GPBP1: variants seen among roughly 807,000 people sequenced by gnomAD.
GPBP1 encodes GC-rich promoter binding protein 1.
In GPBP1, 13 loss-of-function variants were observed where a neutral mutation model predicts 56.5. That is an observed-to-expected ratio of 0.23 (90% CI 0.15 to 0.37). GPBP1 has a LOEUF of 0.37. Ranked by LOEUF, GPBP1 falls within the 10% of genes least tolerant of loss-of-function variation. The pLI, the probability that GPBP1 is intolerant of heterozygous loss-of-function variation, is 1.00. For synonymous variants in GPBP1, 204 were observed against 188.9 expected, an observed-to-expected ratio of 1.08 and a Z score of -0.66; for missense variants, 477 against 572.3, an observed-to-expected ratio of 0.83 and a Z score of 1.70.
chr5:57,219,433 A>AACAG (rs753075871), intron 3 of GPBP1, among the ~76,000 whole-genome samples: 1 of 109,506 alleles, frequency 9.1e-6, no homozygotes, highest in Non-Finnish European at 1.8e-5. Flanking sequence ...AAAAAAAACA[A>AACAG]CAAAACCACA....
At chr5:57,257,710 C>G (rs1233034601) in intron 10 of GPBP1, among the ~76,000 whole-genome samples, 1 of 152,116 alleles carries the variant, frequency 6.6e-6, no homozygotes, top group Non-Finnish European at 1.5e-5. Flanking sequence ...ATGCCCTGGC[C>G]TCTTGAATTG....
At chr5:57,228,185 G>A (rs1466009003) in intron 3 of GPBP1, among the ~76,000 whole-genome samples, 2 of 152,168 alleles carry the variant, frequency 1.3e-5, no homozygotes, top group Non-Finnish European at 2.9e-5. Flanking sequence ...AGCTGGGCGT[G>A]GTGGCTTACA....
intron 3 of GPBP1, among the ~76,000 whole-genome samples, chr5:57,217,557 G>A (rs141680584): frequency 5.3e-4 from 81 of 151,822 alleles, no homozygotes; most frequent in Non-Finnish European, 9.3e-4. Context: ...GGCAAGAAGA[G>A]TGAAATACTG....
At chr5:57,203,653 A>G (rs1419999506) in intron 2 of GPBP1, among the ~76,000 whole-genome samples, 1 of 152,184 alleles carries the variant, frequency 6.6e-6, no homozygotes, top group Non-Finnish European at 1.5e-5. Flanking sequence ...TCAAAGAAAA[A>G]AGAAAAAGAG....
intron 5 of GPBP1, among the ~76,000 whole-genome samples, chr5:57,232,563 C>G (rs1175845305): frequency 6.6e-6 from 1 of 152,208 alleles, no homozygotes; most frequent in Non-Finnish European, 1.5e-5. Context: ...CTTCCTCCTT[C>G]CTTTGTTCTC....
chr5:57,190,493 A>C (rs1215806380), intron 2 of GPBP1, among the ~76,000 whole-genome samples: 2 of 151,718 alleles, frequency 1.3e-5, no homozygotes, highest in Non-Finnish European at 2.9e-5. Flanking sequence ...CTGAGGCGGG[A>C]GAACCACTTG....
At chr5:57,188,465 A>G (rs1246268926) in intron 2 of GPBP1, among the ~76,000 whole-genome samples, 1 of 151,836 alleles carries the variant, frequency 6.6e-6, no homozygotes, top group East Asian at 1.9e-4. Flanking sequence ...CTCAGGCTGG[A>G]CATGGAGGCT....
chr5:57,253,940 TTTTC>T (rs940572218), intron 10 of GPBP1, among the ~76,000 whole-genome samples: 3 of 152,090 alleles, frequency 2.0e-5, no homozygotes, highest in Non-Finnish European at 2.9e-5. Context: ...TCTTTCGTTC[TTTTC>T]TTTCTTTTTT....
At chr5:57,255,993 A>G (rs1368108434) in intron 10 of GPBP1, among the ~76,000 whole-genome samples, 2 of 152,200 alleles carry the variant, frequency 1.3e-5, no homozygotes, top group Non-Finnish European at 2.9e-5. Context: ...ACAATGACTC[A>G]CGCCTATAAT....
chr5:57,199,757 C>A (rs79873418), intron 2 of GPBP1, among the ~76,000 whole-genome samples: 3 of 152,040 alleles, frequency 2.0e-5, no homozygotes, highest in East Asian at 3.9e-4. Flanking sequence ...CTTCTAAATA[C>A]TTCCCTTGCC....
chr5:57,255,476 C>A (rs938867350), intron 10 of GPBP1, among the ~76,000 whole-genome samples: 1 of 152,126 alleles, frequency 6.6e-6, no homozygotes, highest in African/African-American at 2.4e-5. Context: ...TCTAGTCACA[C>A]AATTGGTAGA....
At chr5:57,230,247 T>TA (rs1226705693) in intron 3 of GPBP1, among the ~76,000 whole-genome samples, 3 of 152,180 alleles carry the variant, frequency 2.0e-5, no homozygotes, top group Admixed American at 6.5e-5. Flanking sequence ...TTAAATTCTT[T>TA]AAAAAAACTG....
chr5:57,256,659 G>T (rs909616309), intron 10 of GPBP1, among the ~76,000 whole-genome samples: 25 of 152,264 alleles, frequency 1.6e-4, no homozygotes, highest in African/African-American at 6.0e-4. Context: ...TTCAGATTTG[G>T]TAGCCGCTAG....
At chr5:57,252,491 A>G (rs1186103696) in intron 10 of GPBP1, among the ~76,000 whole-genome samples, 1 of 151,986 alleles carries the variant, frequency 6.6e-6, no homozygotes, top group East Asian at 1.9e-4. Flanking sequence ...CCCAGGGTCA[A>G]GTGATCCCCC....
intron 2 of GPBP1, among the ~76,000 whole-genome samples, chr5:57,207,888 T>C (rs1158679043): frequency 6.6e-6 from 1 of 152,146 alleles, no homozygotes; most frequent in East Asian, 1.9e-4. Context: ...ACTGGCATGC[T>C]TCCCTGGACA....
chr5:57,259,546 C>G (rs1741802766), intron 10 of GPBP1, among the ~76,000 whole-genome samples: 1 of 152,168 alleles, frequency 6.6e-6, no homozygotes, highest in South Asian at 2.1e-4. Flanking sequence ...CCCTGAAGAA[C>G]TGAGGGCCCT....
chr5:57,205,202 A>G (rs899692162), intron 2 of GPBP1, among the ~76,000 whole-genome samples: 4 of 152,130 alleles, frequency 2.6e-5, no homozygotes, highest in South Asian at 2.1e-4. Flanking sequence ...GAGGCATACA[A>G]CGTGATCTTT....
chr5:57,177,791 G>A (rs1333461440), intron 2 of GPBP1, among the ~76,000 whole-genome samples: 2 of 150,090 alleles, frequency 1.3e-5, no homozygotes, highest in Non-Finnish European at 3.0e-5. Context: ...CTGAGCCCAC[G>A]CGCCCGGCTG....
chr5:57,262,381 A>C (rs982297952), intron 11 of GPBP1, among the ~76,000 whole-genome samples: 1 of 152,198 alleles, frequency 6.6e-6, no homozygotes, highest in Non-Finnish European at 1.5e-5. Flanking sequence ...TTGTCACTTG[A>C]GGCAATAAAA....
Sources: gnomAD v4.1 joint callset for allele counts (sites outside exome capture counted in the v4.1 genomes callset) on GRCh38, gnomAD v4.1.1 for gene constraint, MANE v1.5 for transcripts, NCBI Gene and HGNC (gene_info 2026-07-23, HGNC 2026-07-21) for gene names.